The following CREBBP variants were observed in gnomAD, a reference collection of about 807,000 sequenced individuals.
CREBBP encodes CREB binding lysine acetyltransferase.
A neutral mutation model predicts 265.0 loss-of-function variants in CREBBP; 19 were observed. That is an observed-to-expected ratio of 0.07 (90% CI 0.05 to 0.11). CREBBP has a LOEUF of 0.11. CREBBP is among the 10% of genes least tolerant of loss of function. The pLI is 1.00. For synonymous variants in CREBBP, 1,457 were observed against 1,223.7 expected (o/e 1.19, Z -3.98); for missense variants, 2,525 against 3,219.0 (o/e 0.78, Z 5.22).
chr16:3,853,298 A>C (rs2054892167), intron 1 of CREBBP, among the ~76,000 whole-genome samples: 1 of 152,232 alleles, frequency 6.6e-6, no homozygotes, highest in Non-Finnish European at 1.5e-5. Context: ...AGGAGGTTTA[A>C]TAAGCGGCTG....
chr16:3,728,584 G>A lies in CREBBP; in HGVS notation c.6463C>T (p.Pro2155Ser), dbSNP rs755124235. 1 of 1,613,898 alleles carries A rather than the reference G, an allele frequency of 6.2e-7. No individual in the cohort carries two copies. Among genetic ancestry groups the A allele is most frequent in the East Asian group, 2.2e-5 (1 of 44,862 alleles). ...MQAGVPRPGVPPQQQAMGGLN... is the reference protein window; with the variant it reads ...MQAGVPRPGVSPQQQAMGGLN... ...CCTCCCATCGCCTGCTGCTGTGGAG[G>A]CACACCGGGCCGCGGCACGCCAGCC... The change falls in exon 31 of 31, where the codon CCT becomes TCT. Residue 2155 changes from proline to serine, a missense_variant. By Grantham distance (74) the Pro-to-Ser change is moderately conservative. Around this residue, in one of 19 missense-constraint regions of CREBBP, gnomAD observed 473 missense variants for 459.3 expected, o/e 1.03. Transcript: ENST00000262367. The surrounding 1 kb of genome is among the most constrained non-coding windows in gnomAD (Gnocchi z 8.7).
intron 2 of CREBBP, among the ~76,000 whole-genome samples, chr16:3,837,623 A>T (rs985979322): frequency 6.6e-6 from 1 of 150,714 alleles, no homozygotes; most frequent in African/African-American, 2.4e-5. Flanking sequence ...CAAAAAAAAT[A>T]ATAATAATAA....
intron 3 of CREBBP, among the ~76,000 whole-genome samples, chr16:3,800,047 G>A (rs1392167986): frequency 6.6e-6 from 1 of 152,130 alleles, no homozygotes; most frequent in Non-Finnish European, 1.5e-5. Context: ...ATTAAGGTGG[G>A]TACTTTGTTA....
intron 13 of CREBBP, among the ~76,000 whole-genome samples, chr16:3,771,413 T>C (rs1241771078): frequency 1.3e-5 from 2 of 152,186 alleles, no homozygotes; most frequent in Non-Finnish European, 2.9e-5. Flanking sequence ...GTGTTCTGCT[T>C]GTGAAAATTC....
At chr16:3,848,906 A>C (rs991372194) in intron 2 of CREBBP, among the ~76,000 whole-genome samples, 3 of 152,244 alleles carry the variant, frequency 2.0e-5, no homozygotes, top group African/African-American at 7.2e-5. Context: ...AATGCAATTT[A>C]AACATTGAGC....
chr16:3,823,284 G>A (rs192180115), intron 2 of CREBBP, among the ~76,000 whole-genome samples: 2 of 152,312 alleles, frequency 1.3e-5, no homozygotes, highest in East Asian at 3.9e-4. Flanking sequence ...AGACGACCCT[G>A]TTAGGCTGCA....
intron 2 of CREBBP, among the ~76,000 whole-genome samples, chr16:3,837,517 G>A (rs1006088939): frequency 6.6e-5 from 10 of 151,990 alleles, no homozygotes; most frequent in African/African-American, 2.4e-4. Flanking sequence ...TCGGGAGGCT[G>A]AGGCAGGAGA....
At chr16:3,853,161 C>T (rs755458689) in intron 1 of CREBBP, among the ~76,000 whole-genome samples, 6 of 151,996 alleles carry the variant, frequency 3.9e-5, no homozygotes, top group Non-Finnish European at 7.4e-5. Flanking sequence ...AACAATGGCC[C>T]CTACACCTCA....
At chr16:3,849,435 GTGTGTGTGTGTGTGTGTGTGT>G (rs2054757404) in intron 2 of CREBBP, among the ~76,000 whole-genome samples, 26 of 15,732 alleles carry the variant, frequency 1.7e-3, no homozygotes, top group South Asian at 3.4e-3. Flanking sequence ...GTGTGTGTGT[GTGTGTGTGTGTGTGTGTGTGT>G]GTGTGTGTGT....
At chr16:3,813,465 C>T (rs536245479) in intron 2 of CREBBP, among the ~76,000 whole-genome samples, 162 of 152,264 alleles carry the variant, frequency 1.1e-3, no homozygotes, top group African/African-American at 3.8e-3. Context: ...TTTTCAGAAA[C>T]CACTATACTA....
intron 1 of CREBBP, among the ~76,000 whole-genome samples, chr16:3,877,574 T>C (rs2055429546): frequency 6.6e-6 from 1 of 152,248 alleles, no homozygotes; most frequent in Non-Finnish European, 1.5e-5. Context: ...GGCTATGTTT[T>C]TGTATTTTGA....
intron 1 of CREBBP, 121 bp from the exon 2 acceptor site, chr16:3,851,130 G>A (rs1293090441): frequency 1.2e-6 from 1 of 829,226 alleles, no homozygotes; most frequent in Admixed American, 2.0e-5. Context: ...TGTCTTAAGA[G>A]TCATGTCATT....
chr16:3,731,486 A>T lies in CREBBP; in HGVS notation c.4891-13T>A. The T allele has an allele frequency of 6.4e-7, 1 of 1,571,708 alleles. No homozygotes were observed. The highest frequency in any genetic ancestry group is 8.6e-7 in the Non-Finnish European group (1 of 1,161,090). On this transcript the variant is annotated splice_polypyrimidine_tract_variant and intron_variant, in intron 29 of 30. Transcript: ENST00000262367. The surrounding 1 kb of genome is among the most constrained non-coding windows in gnomAD (Gnocchi z 7.7). ...TCACGAAGAAGACCTGCAGGAGAGG[A>T]GGGGCTTTAGTCCCACACAAGGGAC...
chr16:3,759,973 C>T (rs1012417865), intron 16 of CREBBP, among the ~76,000 whole-genome samples: 2 of 152,172 alleles, frequency 1.3e-5, no homozygotes, highest in African/African-American at 2.4e-5. Flanking sequence ...CAGCGTGTCA[C>T]GACCCCACCT....
rs1251096480 is a variant in CREBBP, at chr16:3,850,822, G to A, written c.273C>T (p.Ala91=). Residue 91 remains alanine, a synonymous_variant, in exon 2 of 31, where the codon GCC becomes GCT. Coordinates refer to ENST00000262367, the MANE Select transcript of CREBBP (RefSeq NM_004380.3). ...CCAGGCCCTGCTGCACGGGGCTGCT[G>A]GCGCTCACATTTCCTATTCCTGGGT... ...SINPGIGNVS[A]SSPVQQGLGG... is the part of the protein sequence containing the mutation. The A allele has an allele frequency of 3.7e-6, 6 of 1,614,014 alleles. No individual in the cohort carries two copies. Among genetic ancestry groups the A allele is most frequent in the Admixed American group, 1.7e-5 (1 of 60,006 alleles).
intron 1 of CREBBP, 63 bp downstream of exon 1, chr16:3,879,769 C>A (rs2055486205): frequency 3.3e-6 from 5 of 1,508,438 alleles, no homozygotes; most frequent in Non-Finnish European, 4.5e-6. Context: ...CCCCCGGACG[C>A]TCTCTTTCAG....
chr16:3,824,408 C>T (rs2054199613), intron 2 of CREBBP, among the ~76,000 whole-genome samples: 2 of 152,236 alleles, frequency 1.3e-5, no homozygotes, highest in Non-Finnish European at 2.9e-5. Context: ...GTGCAGCCAC[C>T]TGGCTGGGGG....
chr16:3,829,878 G>C (rs2054308198), intron 2 of CREBBP, among the ~76,000 whole-genome samples: 1 of 152,264 alleles, frequency 6.6e-6, no homozygotes, highest in East Asian at 1.9e-4. Flanking sequence ...AGAGATGACA[G>C]AGATGTTGGA....
chr16:3,758,749 T>C (rs2052642987), intron 17 of CREBBP, 105 bp downstream of exon 17: 1 of 908,236 alleles, frequency 1.1e-6, no homozygotes, highest in Middle Eastern at 3.2e-4. Context: ...AGGAGAACAA[T>C]CTTCAAGGCA....
Sources: gnomAD v4.1 joint callset for allele counts (sites outside exome capture counted in the v4.1 genomes callset) on GRCh38, gnomAD v4.1.1 for gene constraint, gnomAD v4.1.1 regional missense constraint, Gnocchi (gnomAD v3.1) non-coding constraint, MANE v1.5 for transcripts, NCBI Gene and HGNC (gene_info 2026-07-23, HGNC 2026-07-21) for gene names.